GPX6: variants seen among roughly 807,000 people sequenced by gnomAD.
The protein encoded by GPX6 is glutathione peroxidase 6, also known as glutathione peroxidase 6 (olfactory).
In GPX6, 21 loss-of-function variants were observed where a neutral mutation model predicts 20.0. The ratio of observed to expected loss-of-function variants is 1.05; its 90% CI spans 0.74 to 1.51. GPX6 has a LOEUF of 1.51. Ranked by LOEUF, GPX6 falls within the 40% of genes most tolerant of loss-of-function variation. The probability of loss-of-function intolerance (pLI) is 0.00; values close to 1 mark genes in which losing one functional copy is unlikely to be tolerated. For missense variants in GPX6, 233 were observed against 254.7 expected (o/e 0.91, Z 0.58); for synonymous variants, 75 against 98.0 (o/e 0.77, Z 1.38).
In GPX6 at chr6:28,504,525, A is replaced by G. The variant is rs746631276; in HGVS notation, c.460-27T>C. ...TGGAGCAGAGATATAGAAAGTAGAG[A>G]TATACATTTATTTCTACTTTATTTC... is the stretch of plus-strand genomic sequence containing the variant. On this transcript the variant is annotated intron_variant, in intron 4 of 4. Transcript: ENST00000361902. The G allele has an allele frequency of 1.8e-5, 29 of 1,588,856 alleles. 1 individual carries two copies. The highest frequency in any genetic ancestry group is 1.9e-4 in the Middle Eastern group (1 of 5,182).
At chr6:28,513,951 T>A (rs1762976515) in intron 1 of GPX6, among the ~76,000 whole-genome samples, 1 of 152,240 alleles carries the variant, frequency 6.6e-6, no homozygotes, top group Non-Finnish European at 1.5e-5. Flanking sequence ...GGGCAAGCCC[T>A]TTCAAGTCCA....
At chr6:28,513,681 C>T (rs777508894) in intron 1 of GPX6, among the ~76,000 whole-genome samples, 26 of 150,338 alleles carry the variant, frequency 1.7e-4, no homozygotes, top group Non-Finnish European at 3.2e-4. Flanking sequence ...GAACAAAAGG[C>T]TAACATGTTA....
intron 1 of GPX6, among the ~76,000 whole-genome samples, chr6:28,513,288 G>A (rs530084296): frequency 5.9e-5 from 9 of 152,338 alleles, no homozygotes; most frequent in Non-Finnish European, 1.0e-4. Flanking sequence ...GCTAACACAA[G>A]CTGCCTATGG....
rs1473208668 is a variant in GPX6, at chr6:28,504,408, C to G, written c.550G>C (p.Glu184Gln). The change falls in exon 5 of 5, where the codon GAG becomes CAG. Residue 184 changes from glutamate (E) to glutamine (Q), a missense_variant. Physicochemically the swap from Glu to Gln is conservative, Grantham distance 29 (BLOSUM62 2). Transcript: ENST00000361902. ...CCATCGGGCCCCACCAGAAATTTCT[C>G]AAAGTTCCAGCGGATATCATGGACC... ...MKVHDIRWNF[E>Q]KFLVGPDGVP... 1 of 1,614,174 alleles carries G rather than the reference C, an allele frequency of 6.2e-7. No homozygotes were observed. Among genetic ancestry groups the G allele is most frequent in the Non-Finnish European group, 8.5e-7 (1 of 1,180,034 alleles).
Position 28,515,714 on chromosome 6 carries a change from A to C in GPX6, c.30T>G (p.Leu10=). The stretch of plus-strand genomic sequence containing the variant: ...CAAAGCCAACCAGGAAAAACAGGAC[A>C]AGACAGGAGGCCTGGAACTGCTGGA... The part of the protein sequence containing the change: MFQQFQASC[L]VLFFLVGFAQ... Residue 10 remains leucine (L), a synonymous_variant, in exon 1 of 5, where the codon CTT becomes CTG. Transcript: ENST00000361902. 18 of 1,614,014 alleles carry C rather than the reference A, an allele frequency of 1.1e-5. No individual in the cohort carries two copies. The highest frequency in any genetic ancestry group is 1.5e-5 in the Non-Finnish European group (18 of 1,179,920).
chr6:28,512,596 A>C (rs923368011), intron 1 of GPX6, among the ~76,000 whole-genome samples: 2 of 152,146 alleles, frequency 1.3e-5, no homozygotes, highest in Non-Finnish European at 2.9e-5. Flanking sequence ...GTGGCCAGAT[A>C]AGAATAAAAG....
intron 1 of GPX6, among the ~76,000 whole-genome samples, chr6:28,512,561 A>G (rs1240528282): frequency 2.6e-5 from 4 of 152,198 alleles, no homozygotes; most frequent in African/African-American, 9.6e-5. Context: ...TCTCTGTAAA[A>G]TGGACCAATC....
chr6:28,513,083 T>TG (rs1195355100), intron 1 of GPX6, among the ~76,000 whole-genome samples: 1 of 152,216 alleles, frequency 6.6e-6, no homozygotes, highest in African/African-American at 2.4e-5. Flanking sequence ...CGGAAGGACA[T>TG]GGAGTTTGGC....
Position 28,513,452 on chromosome 6 carries a change from G to A in GPX6, c.87+2205C>T, listed in dbSNP as rs555724757. Among the ~76,000 whole-genome samples, 121 of 152,288 alleles carry A rather than the reference G, an allele frequency of 7.9e-4. 6 individuals carry two copies. In the South Asian group the frequency reaches 0.024, roughly 30 times the overall value. On this transcript the variant is annotated intron_variant, in intron 1 of 4. Transcript: ENST00000361902. The stretch of plus-strand genomic sequence containing the variant: ...GTACAGGTTTGAGCGGCGGGGAACT[G>A]AAGCAGCGAGCCACACGCCCCGTCG...
At chr6:28,513,137 G>A (rs550567030) in intron 1 of GPX6, among the ~76,000 whole-genome samples, 1 of 152,198 alleles carries the variant, frequency 6.6e-6, no homozygotes, top group Non-Finnish European at 1.5e-5. Flanking sequence ...TCCCCCATCT[G>A]ATGAGAGCTA....
At chr6:28,513,558 T>C (rs1762962892) in intron 1 of GPX6, among the ~76,000 whole-genome samples, 1 of 150,980 alleles carries the variant, frequency 6.6e-6, no homozygotes, top group African/African-American at 2.5e-5. Context: ...CACTTCTTTA[T>C]ATTGTGGTGA....
intron 1 of GPX6, among the ~76,000 whole-genome samples, chr6:28,515,244 C>G (rs1051030403): frequency 6.6e-6 from 1 of 152,186 alleles, no homozygotes; most frequent in Non-Finnish European, 1.5e-5. Flanking sequence ...AGCAGCCTCT[C>G]CAGGAGTAAC....
intron 1 of GPX6, among the ~76,000 whole-genome samples, chr6:28,513,396 C>A (rs1428559087): frequency 2.0e-5 from 3 of 152,190 alleles, no homozygotes; most frequent in African/African-American, 7.2e-5. Flanking sequence ...GCTCCACAAT[C>A]TGCTAGTTTG....
At chr6:28,515,224 T>C (rs1015411781) in intron 1 of GPX6, among the ~76,000 whole-genome samples, 20 of 152,106 alleles carry the variant, frequency 1.3e-4, no homozygotes, top group African/African-American at 4.3e-4. Flanking sequence ...TCCCTCTGGG[T>C]TTCTGGCTGA....
At chr6:28,510,038 G>C (rs1762846169) in intron 2 of GPX6, among the ~76,000 whole-genome samples, 1 of 152,248 alleles carries the variant, frequency 6.6e-6, no homozygotes, top group South Asian at 2.1e-4. Flanking sequence ...GGGAGTCACA[G>C]CTAGGCTTTA....
intron 1 of GPX6, among the ~76,000 whole-genome samples, chr6:28,511,980 C>T (rs921363715): frequency 6.6e-6 from 1 of 152,266 alleles, no homozygotes; most frequent in Non-Finnish European, 1.5e-5. Flanking sequence ...CCAAGGCCAG[C>T]AGCTGCTGTG....
At chr6:28,513,725 G>A (rs1326563241) in intron 1 of GPX6, among the ~76,000 whole-genome samples, 1 of 152,154 alleles carries the variant, frequency 6.6e-6, no homozygotes, top group Non-Finnish European at 1.5e-5. Flanking sequence ...CTGGCCATAT[G>A]AAGAAAAATC....
chr6:28,511,767 T>C (rs1262286841), intron 1 of GPX6, among the ~76,000 whole-genome samples: 2 of 152,262 alleles, frequency 1.3e-5, no homozygotes, highest in Non-Finnish European at 2.9e-5. Context: ...AGCCCGCGGC[T>C]GCACTGTGGG....
intron 1 of GPX6, among the ~76,000 whole-genome samples, chr6:28,513,129 C>T (rs1442583830): frequency 1.3e-5 from 2 of 152,190 alleles, no homozygotes; most frequent in East Asian, 1.9e-4. Context: ...CTTTTGGCTC[C>T]CCCATCTGAT....
Sources: allele counts gnomAD v4.1 joint callset (sites outside exome capture counted in the v4.1 genomes callset), GRCh38; gene constraint gnomAD v4.1.1; transcripts MANE v1.5; gene names NCBI Gene and HGNC (gene_info 2026-07-23, HGNC 2026-07-21).